The following NTNG1 variants were observed in gnomAD, a reference collection of about 807,000 sequenced individuals.
NTNG1 encodes the protein netrin G1, also known as netrin-G1.
NTNG1 carries 16 observed loss-of-function variants against 54.0 expected under a neutral mutation model. That is an observed-to-expected ratio of 0.30 (90% CI 0.20 to 0.45). NTNG1 has a LOEUF of 0.45. Among genes scored for constraint, NTNG1 ranks in the 20% least tolerant of loss-of-function variants. The probability of loss-of-function intolerance (pLI) is 1.00; values close to 1 mark genes in which losing one functional copy is unlikely to be tolerated. For synonymous variants in NTNG1, 255 were observed against 263.1 expected (o/e 0.97, Z 0.30); for missense variants, 530 against 678.7 (o/e 0.78, Z 2.43).
intron 2 of NTNG1, among the ~76,000 whole-genome samples, chr1:107,230,820 C>G (rs772313011): frequency 7.2e-5 from 11 of 151,928 alleles, no homozygotes; most frequent in South Asian, 2.1e-4. Context: ...GACATTTGAC[C>G]CACTAGTTGG....
chr1:107,166,400 A>C (rs1215131150), intron 2 of NTNG1, among the ~76,000 whole-genome samples: 1 of 152,134 alleles, frequency 6.6e-6, no homozygotes, highest in Non-Finnish European at 1.5e-5. Flanking sequence ...ATAATATACT[A>C]CCATCGTTTC....
intron 3 of NTNG1, among the ~76,000 whole-genome samples, chr1:107,334,627 T>G (rs1668475576): frequency 1.3e-5 from 2 of 151,566 alleles, no homozygotes; most frequent in African/African-American, 4.8e-5. Flanking sequence ...AAAAAAAACA[T>G]AAAAATAATT....
intron 2 of NTNG1, among the ~76,000 whole-genome samples, chr1:107,220,594 T>G (rs920010226): frequency 6.6e-6 from 1 of 152,234 alleles, no homozygotes; most frequent in Non-Finnish European, 1.5e-5. Flanking sequence ...ACTCCACTAC[T>G]TAGTAGTTGT....
At chr1:107,378,598 G>A (rs1671447420) in intron 3 of NTNG1, among the ~76,000 whole-genome samples, 1 of 152,192 alleles carries the variant, frequency 6.6e-6, no homozygotes, top group Admixed American at 6.5e-5. Context: ...CACCAATGAT[G>A]GAGGGCAGAG....
chr1:107,449,718 A>AC (rs1314313075), intron 7 of NTNG1, among the ~76,000 whole-genome samples: 2 of 96,684 alleles, frequency 2.1e-5, no homozygotes, highest in African/African-American at 3.4e-5. Context: ...CTTCTGCTGG[A>AC]TTAAAAAAAA....
At position 107,190,265 on chromosome 1, in the gene NTNG1, C is replaced by T. The variant is rs115489756; in HGVS notation, c.246+41426C>T. Among the ~76,000 whole-genome samples the T allele has an allele frequency of 8.5e-3, 1,291 of 152,144 alleles. 14 individuals carry two copies. Among genetic ancestry groups the T allele is most frequent in the African/African-American group, 0.029 (1,223 of 41,508 alleles). ...ATGGTTGCAAAGCAATGTTAACTCA[C>T]TTAATTCCACTGAATTGCACACTTG... On this transcript the variant is annotated intron_variant, in intron 2 of 7. Transcript: ENST00000370068.
At chr1:107,219,629 C>G (rs1473245705) in intron 2 of NTNG1, among the ~76,000 whole-genome samples, 1 of 152,162 alleles carries the variant, frequency 6.6e-6, no homozygotes, top group East Asian at 1.9e-4. Context: ...TCTCCCCTTT[C>G]CCCTAGGGAT....
At chr1:107,414,674 G>A (rs1176790399) in intron 5 of NTNG1, among the ~76,000 whole-genome samples, 1 of 152,116 alleles carries the variant, frequency 6.6e-6, no homozygotes, top group Non-Finnish European at 1.5e-5. Context: ...TTATAGTACA[G>A]CAATCTGATT....
At chr1:107,236,414 T>G (rs1306754729) in intron 2 of NTNG1, among the ~76,000 whole-genome samples, 2 of 152,136 alleles carry the variant, frequency 1.3e-5, no homozygotes, top group African/African-American at 4.8e-5. Flanking sequence ...ATTAAAGGTA[T>G]GGGCAGAGAG....
chr1:107,142,170 A>G (rs1425068617), intron 1 of NTNG1, among the ~76,000 whole-genome samples: 2 of 152,182 alleles, frequency 1.3e-5, no homozygotes, highest in Non-Finnish European at 2.9e-5. Context: ...GGATCTGTGG[A>G]TATCTATATA....
chr1:107,403,446 A>G (rs915509387), intron 4 of NTNG1, among the ~76,000 whole-genome samples: 6 of 152,152 alleles, frequency 3.9e-5, no homozygotes, highest in African/African-American at 1.2e-4. Context: ...GTGGTGGCTT[A>G]TACCTGTAAT....
chr1:107,291,169 G>A lies in NTNG1; in HGVS notation c.247-33113G>A, dbSNP rs370118979. 4.0e-4 allele frequency among the ~76,000 whole-genome samples: 60 copies of A among 151,724 alleles called. No homozygotes were observed. The East Asian group carries it at 9.5e-3, about 24-fold the overall frequency. ...TCCTCAGCCTACTCAGTGTGAAGAC[G>A]ACAAGGATGAAGACCTTTATGATGA... is the stretch of plus-strand genomic sequence containing the variant. On this transcript the variant is annotated intron_variant, in intron 2 of 7. Coordinates refer to ENST00000370068, the MANE Select transcript of NTNG1 (RefSeq NM_001113226.3).
chr1:107,182,599 A>G (rs1410654427), intron 2 of NTNG1, among the ~76,000 whole-genome samples: 2 of 152,106 alleles, frequency 1.3e-5, no homozygotes, highest in Non-Finnish European at 2.9e-5. Context: ...GTCCTAGTAA[A>G]CTTCCAATCA....
At chr1:107,233,527 T>A (rs1661203547) in intron 2 of NTNG1, among the ~76,000 whole-genome samples, 1 of 152,182 alleles carries the variant, frequency 6.6e-6, no homozygotes, top group African/African-American at 2.4e-5. Context: ...AATTGATAAA[T>A]TACGTCTTTT....
chr1:107,275,641 C>A (rs1431952294), intron 2 of NTNG1, among the ~76,000 whole-genome samples: 1 of 152,140 alleles, frequency 6.6e-6, no homozygotes, highest in East Asian at 1.9e-4. Flanking sequence ...GAAAAAAACC[C>A]ATGTCCCAGC....
chr1:107,177,738 A>C (rs1656754813), intron 2 of NTNG1, among the ~76,000 whole-genome samples: 1 of 152,136 alleles, frequency 6.6e-6, no homozygotes, highest in Non-Finnish European at 1.5e-5. Flanking sequence ...TTTAGGCAAC[A>C]TTGTCTCTCT....
At chr1:107,319,726 T>A (rs1346578648) in intron 2 of NTNG1, among the ~76,000 whole-genome samples, 1 of 152,080 alleles carries the variant, frequency 6.6e-6, no homozygotes, top group Admixed American at 6.6e-5. Context: ...TAGCTTACAG[T>A]TCAGTGGCAA....
intron 3 of NTNG1, among the ~76,000 whole-genome samples, chr1:107,325,269 C>A (rs1034242226): frequency 7.2e-5 from 11 of 152,044 alleles, no homozygotes; most frequent in Non-Finnish European, 2.9e-5. Context: ...ACTAGAAATA[C>A]AACATACCAT....
At chr1:107,459,858 C>G (rs1248004793) in intron 7 of NTNG1, among the ~76,000 whole-genome samples, 1 of 152,174 alleles carries the variant, frequency 6.6e-6, no homozygotes, top group Non-Finnish European at 1.5e-5. Context: ...ACTCCTAGGG[C>G]AAATTATTTG....
Sources: gnomAD v4.1 joint callset for allele counts (sites outside exome capture counted in the v4.1 genomes callset) on GRCh38, gnomAD v4.1.1 for gene constraint, MANE v1.5 for transcripts, NCBI Gene and HGNC (gene_info 2026-07-23, HGNC 2026-07-21) for gene names.